KYNU: variants seen among roughly 807,000 people sequenced by gnomAD.
KYNU encodes L-kynurenine hydrolase.
In KYNU, 54 loss-of-function variants were observed where a neutral mutation model predicts 59.2. That is an observed-to-expected ratio of 0.91 (90% confidence interval 0.73 to 1.14). KYNU has a LOEUF of 1.14. Among genes scored for constraint, KYNU ranks in the 50% most tolerant of loss-of-function variants. The probability of loss-of-function intolerance (pLI) is 0.00; values close to 1 mark genes in which losing one functional copy is unlikely to be tolerated. For synonymous variants in KYNU, 177 were observed against 192.0 expected (o/e 0.92, Z 0.65); for missense variants, 567 against 554.4 (o/e 1.02, Z -0.23).
At chr2:142,897,347 T>C (rs1312005563) in intron 2 of KYNU, among the ~76,000 whole-genome samples, 1 of 152,224 alleles carries the variant, frequency 6.6e-6, no homozygotes, top group African/African-American at 2.4e-5. Flanking sequence ...TTTATGGACA[T>C]AATCATAAAT....
intron 10 of KYNU, among the ~76,000 whole-genome samples, chr2:142,987,611 C>A (rs1197879924): frequency 6.6e-6 from 1 of 151,938 alleles, no homozygotes; most frequent in Non-Finnish European, 1.5e-5. Flanking sequence ...CCTGGAGAAT[C>A]TTCTATGATT....
intron 12 of KYNU, among the ~76,000 whole-genome samples, chr2:143,036,311 A>G (rs567403895): frequency 6.6e-6 from 1 of 152,132 alleles, no homozygotes; most frequent in South Asian, 2.1e-4. Context: ...GTCATTTATA[A>G]CCTGACGTGT....
At chr2:142,923,926 G>A (rs1378143688) in intron 3 of KYNU, among the ~76,000 whole-genome samples, 2 of 152,130 alleles carry the variant, frequency 1.3e-5, no homozygotes, top group Non-Finnish European at 2.9e-5. Context: ...TGTGCTGACA[G>A]GACACTGATA....
chr2:143,011,734 T>TA (rs1298161443), intron 10 of KYNU, among the ~76,000 whole-genome samples: 2 of 97,690 alleles, frequency 2.0e-5, no homozygotes, highest in East Asian at 2.8e-4. Flanking sequence ...TATGCAGCCA[T>TA]AAAAAATGAT....
At chr2:142,960,601 A>G in intron 7 of KYNU, 23 bp from the exon 8 acceptor site, 1 of 1,607,250 alleles carries the variant, frequency 6.2e-7, no homozygotes, top group African/African-American at 1.3e-5. Context: ...GATATGACCT[A>G]ACTTGTGCCT....
intron 10 of KYNU, among the ~76,000 whole-genome samples, chr2:142,999,941 A>G (rs980441337): frequency 6.6e-6 from 1 of 152,062 alleles, no homozygotes; most frequent in Admixed American, 6.5e-5. Context: ...CCAAGTTGCA[A>G]TTTTTTCCAG....
At chr2:142,937,683 G>A (rs769881988) in intron 4 of KYNU, among the ~76,000 whole-genome samples, 4 of 152,118 alleles carry the variant, frequency 2.6e-5, no homozygotes, top group Non-Finnish European at 4.4e-5. Context: ...AGCCTGATTG[G>A]GTACAGCCCA....
At chr2:142,880,240 A>G (rs961965250) in intron 1 of KYNU, among the ~76,000 whole-genome samples, 3 of 152,228 alleles carry the variant, frequency 2.0e-5, no homozygotes, top group African/African-American at 7.2e-5. Context: ...AGCTACCATC[A>G]GTAATATGTT....
intron 3 of KYNU, among the ~76,000 whole-genome samples, chr2:142,919,760 C>T (rs1354119896): frequency 6.6e-6 from 1 of 152,012 alleles, no homozygotes; most frequent in Non-Finnish European, 1.5e-5. Context: ...GTGGCGAAAC[C>T]TCACCTCTAC....
intron 3 of KYNU, among the ~76,000 whole-genome samples, chr2:142,927,091 A>C (rs543693508): frequency 2.6e-5 from 4 of 152,328 alleles, no homozygotes; most frequent in Non-Finnish European, 4.4e-5. Flanking sequence ...AGAATAATAA[A>C]ATTGAGCTGG....
chr2:143,016,555 T>C (rs1686251238), intron 10 of KYNU, among the ~76,000 whole-genome samples: 1 of 152,172 alleles, frequency 6.6e-6, no homozygotes, highest in Non-Finnish European at 1.5e-5. Flanking sequence ...CAAACAACTG[T>C]GTCAAAATTT....
intron 10 of KYNU, among the ~76,000 whole-genome samples, chr2:143,000,092 G>A (rs1039748925): frequency 1.3e-5 from 2 of 152,006 alleles, no homozygotes; most frequent in African/African-American, 4.8e-5. Flanking sequence ...GTGACAGTCC[G>A]AAATAATTAG....
At chr2:143,025,753 C>T (rs1686534336) in intron 10 of KYNU, among the ~76,000 whole-genome samples, 2 of 151,872 alleles carry the variant, frequency 1.3e-5, no homozygotes, top group Non-Finnish European at 2.9e-5. Flanking sequence ...GGCAGAAGAA[C>T]CATTGGGGAC....
chr2:142,888,004 G>A (rs1390825396), intron 2 of KYNU, among the ~76,000 whole-genome samples: 1 of 152,088 alleles, frequency 6.6e-6, no homozygotes, highest in African/African-American at 2.4e-5. Flanking sequence ...ATACTTAAAA[G>A]TTGACTTAGT....
intron 13 of KYNU, among the ~76,000 whole-genome samples, chr2:143,040,918 G>A (rs1000623201): frequency 8.6e-5 from 13 of 152,038 alleles, no homozygotes; most frequent in African/African-American, 3.1e-4. Flanking sequence ...TTTCATAACA[G>A]TTTGGGCAGA....
chr2:142,900,860 C>T (rs1294104391), intron 2 of KYNU, among the ~76,000 whole-genome samples: 1 of 152,102 alleles, frequency 6.6e-6, no homozygotes, highest in African/African-American at 2.4e-5. Flanking sequence ...TCCGGGTCTG[C>T]AGTAGATTTT....
intron 10 of KYNU, chr2:142,989,656 C>A: frequency 3.9e-6 from 1 of 257,582 alleles, no homozygotes; most frequent in Non-Finnish European, 6.1e-6. Context: ...AATAATTGTG[C>A]AGTTTAAGCC....
intron 8 of KYNU, among the ~76,000 whole-genome samples, chr2:142,979,835 A>G (rs1276259639): frequency 6.6e-6 from 1 of 152,126 alleles, no homozygotes; most frequent in Non-Finnish European, 1.5e-5. Flanking sequence ...AAGGGCTCCC[A>G]ATCCAAGAGA....
chr2:143,033,441 A>G (rs1336680044), intron 12 of KYNU, 120 bp downstream of exon 12: 1 of 816,402 alleles, frequency 1.2e-6, no homozygotes, highest in Non-Finnish European at 2.2e-6. Flanking sequence ...GTGCATGAAC[A>G]AGGGACAGAA....
Sources: allele counts gnomAD v4.1 joint callset (sites outside exome capture counted in the v4.1 genomes callset), GRCh38; gene constraint gnomAD v4.1.1; transcripts MANE v1.5; gene names NCBI Gene and HGNC (gene_info 2026-07-23, HGNC 2026-07-21).